Variants in ERBB2 observed in about 807,000 individuals in gnomAD.
The protein encoded by ERBB2 is receptor tyrosine-protein kinase erbB-2.
ERBB2 carries 61 observed loss-of-function variants against 149.0 expected under a neutral mutation model. The observed-to-expected ratio is 0.41, with a 90% CI of 0.33 to 0.51. ERBB2 has a LOEUF of 0.51. Ranked by LOEUF, ERBB2 falls within the 20% of genes least tolerant of loss-of-function variation. ERBB2 has a pLI of 0.25. For missense variants in ERBB2, 1,205 were observed against 1,655.1 expected, an observed-to-expected ratio of 0.73 and a Z score of 4.72; for synonymous variants, 633 against 678.8, an observed-to-expected ratio of 0.93 and a Z score of 1.05.
chr17:39,702,137 A>G (rs1171409218), intron 1 of ERBB2, among the ~76,000 whole-genome samples: 1 of 152,216 alleles, frequency 6.6e-6, no homozygotes, highest in Non-Finnish European at 1.5e-5. Flanking sequence ...AACTCTGTAC[A>G]AAAAATACAA....
At position 39,725,884 on chromosome 17, in the gene ERBB2, A is replaced by AGGAG. The variant is rs1157481588; in HGVS notation, c.2872+34_2872+37dup. 1 of 1,610,934 alleles carries AGGAG rather than the reference A, an allele frequency of 6.2e-7. No homozygotes were observed. Among genetic ancestry groups the AGGAG allele is most frequent in the East Asian group, 2.2e-5 (1 of 44,682 alleles). ...TGGCTGAGCTGTGCTGGCTGCCTGGAGGAGGGTGGGAGGTCCTGGGTGGAG... is the reference window on the plus strand; with the variant it reads ...TGGCTGAGCTGTGCTGGCTGCCTGGAGGAGGGAGGGTGGGAGGTCCTGGGTGGAG... On this transcript the variant is annotated intron_variant, in intron 23 of 26. Transcript: ENST00000269571. The surrounding 1 kb of genome is among the most constrained non-coding windows in gnomAD (Gnocchi z 4.6).
At chr17:39,692,282 G>A (rs75498541), upstream of ERBB2, among the ~76,000 whole-genome samples, 473 of 152,146 alleles carry the variant, frequency 3.1e-3, 4 homozygotes, top group African/African-American at 0.011. Flanking sequence ...CGTGTTATGC[G>A]CGTAGTATTA....
intron 7 of ERBB2, among the ~76,000 whole-genome samples, chr17:39,711,138 G>T (rs1209204664): frequency 6.6e-6 from 1 of 151,094 alleles, no homozygotes; most frequent in Non-Finnish European, 1.5e-5. Context: ...GACTTCAGGC[G>T]ATCCACCTGC....
Position 39,704,277 on chromosome 17 carries a change from C to T in ERBB2, c.74-2713C>T, listed in dbSNP as rs2058285151. On this transcript the variant is annotated intron_variant, in intron 1 of 26. Coordinates refer to ENST00000269571, the MANE Select transcript of ERBB2 (RefSeq NM_004448.4). Reference sequence around the variant, plus strand: ...TCCTGGGTAGAATTAGGACCTACCCCCCAGGAAATCAACGGGGACCAGGTG... The same window carrying T: ...TCCTGGGTAGAATTAGGACCTACCCTCCAGGAAATCAACGGGGACCAGGTG... 2.0e-5 allele frequency among the ~76,000 whole-genome samples: 3 copies of T among 152,222 alleles called. No homozygotes were observed. In the South Asian group the frequency reaches 6.2e-4, roughly 32 times the overall value.
At chr17:39,699,361 T>C (rs1276956910), upstream of ERBB2, among the ~76,000 whole-genome samples, 1 of 151,920 alleles carries the variant, frequency 6.6e-6, no homozygotes, top group African/African-American at 2.4e-5. Flanking sequence ...CTCGGGAGGC[T>C]GAGGCAGGAG....
chr17:39,708,131 C>T, intron 2 of ERBB2, 190 bp from the exon 3 acceptor site: 2 of 534,570 alleles, frequency 3.7e-6, no homozygotes, highest in Admixed American at 6.6e-5. Flanking sequence ...CTTTCTTGAT[C>T]ATATAAGAAT....
In ERBB2 at chr17:39,710,401, A is replaced by G; in HGVS notation, c.821A>G (p.Tyr274Cys). The change falls in exon 7 of 27, where the codon TAC (tyrosine) becomes TGC (cysteine). Residue 274 changes from tyrosine to cysteine, a missense_variant. By Grantham distance (194) the Tyr-to-Cys change is radical. This residue lies in a region of ERBB2 where 569 missense variants were observed against 803.5 expected (regional missense o/e 0.71). Transcript: ENST00000269571. ...CTGCACTGCCCAGCCCTGGTCACCT[A>G]CAACACAGACACGTTTGAGTCCATG... ...CELHCPALVT[Y>C]NTDTFESMPN... is the part of the protein sequence containing the mutation. 6.2e-7 allele frequency: 1 copy of G among 1,614,178 alleles called. No homozygotes were observed. The highest frequency in any genetic ancestry group is 8.5e-7 in the Non-Finnish European group (1 of 1,180,042).
At position 39,723,839 on chromosome 17, in the gene ERBB2, G is replaced by T; in HGVS notation, c.2209-73G>T. ...GTGGTGAAGGATGTTTGGAGGACAA[G>T]TAATGATCTCCTGGAAGGCAGGTAG... On this transcript the variant is annotated intron_variant, in intron 18 of 26. Coordinates refer to ENST00000269571, the MANE Select transcript of ERBB2 (RefSeq NM_004448.4). The surrounding 1 kb of genome is among the most constrained non-coding windows in gnomAD (Gnocchi z 6.2). 1 of 1,504,688 alleles carries T rather than the reference G, an allele frequency of 6.6e-7. No individual in the cohort carries two copies. The highest frequency in any genetic ancestry group is 9.2e-7 in the Non-Finnish European group (1 of 1,085,442). 93.2% of individuals were successfully genotyped at this position (1,504,688 alleles called of 1,614,324 possible).
Position 39,724,834 on chromosome 17 carries a change from C to T in ERBB2, c.2416C>T (p.Leu806Phe), listed in dbSNP as rs2145851345. ...LVTQLMPYGC[L>F]LDHVRENRGR... ...GACACAGCTTATGCCCTATGGCTGC[C>T]TCTTAGACCATGTCCGGGAAAACCG... is the stretch of plus-strand genomic sequence containing the variant. Residue 806 changes from leucine to phenylalanine, a missense_variant, in exon 20 of 27, where the codon CTC becomes TTC. Around this residue, in one of 6 missense-constraint regions of ERBB2, gnomAD observed 152 missense variants for 318.1 expected, o/e 0.48. Transcript: ENST00000269571. The T allele has an allele frequency of 6.2e-7, 1 of 1,614,248 alleles. No individual in the cohort carries two copies.
Position 39,727,232 on chromosome 17 carries a change from C to T in ERBB2, c.3160-63C>T, listed in dbSNP as rs2059821435. The T allele has an allele frequency of 6.3e-7, 1 of 1,580,560 alleles. No homozygotes were observed. Among genetic ancestry groups the T allele is most frequent in the African/African-American group, 1.4e-5 (1 of 73,154 alleles). The stretch of plus-strand genomic sequence containing the variant: ...TTTTCTCCTGTGACCCTGTCACCTT[C>T]CATGGAGTCCCCATCCCAGATCCGT... On this transcript the variant is annotated intron_variant, in intron 25 of 26. Coordinates refer to ENST00000269571, the MANE Select transcript of ERBB2 (RefSeq NM_004448.4). The surrounding 1 kb of genome is among the most constrained non-coding windows in gnomAD (Gnocchi z 4.3).
At position 39,725,938 on chromosome 17, in the gene ERBB2, A is replaced by G. The variant is rs1309012949; in HGVS notation, c.2872+85A>G. On this transcript the variant is annotated intron_variant, in intron 23 of 26. Coordinates refer to ENST00000269571, the MANE Select transcript of ERBB2 (RefSeq NM_004448.4). The surrounding 1 kb of genome is among the most constrained non-coding windows in gnomAD (Gnocchi z 4.6). ...CCCACAAGGGGCATGAAAGGGGACC[A>G]GGATGTATGTAGACCCAGGAGCCCT... 2.8e-6 allele frequency: 4 copies of G among 1,440,018 alleles called. No individual in the cohort carries two copies. The highest frequency in any genetic ancestry group is 3.9e-6 in the Non-Finnish European group (4 of 1,038,098). The allele number at this position is 1,440,018 out of a possible 1,614,324, so 89.2% of individuals were successfully genotyped here.
chr17:39,712,928 CT>C (rs2058894073), intron 9 of ERBB2, among the ~76,000 whole-genome samples: 1 of 152,130 alleles, frequency 6.6e-6, no homozygotes, highest in African/African-American at 2.4e-5. Context: ...ATGTGAGGCT[CT>C]GAACCGAAAA....
intron 3 of ERBB2, 84 bp downstream of exon 3, chr17:39,708,618 C>T (rs1432827406): frequency 1.1e-5 from 12 of 1,087,930 alleles, no homozygotes; most frequent in Non-Finnish European, 1.7e-5. Context: ...GCTTTGTGTG[C>T]ATTAGAAATG....
upstream of ERBB2, among the ~76,000 whole-genome samples, chr17:39,692,422 T>TG (rs375364772): frequency 1.2e-3 from 175 of 145,194 alleles, 3 homozygotes; most frequent in African/African-American, 2.1e-3. Flanking sequence ...TTTTTTTTTT[T>TG]AAACGGAGTT....
At chr17:39,709,533 C>G (rs2145481725) in intron 4 of ERBB2, 81 bp downstream of exon 4, 8 of 1,484,322 alleles carry the variant, frequency 5.4e-6, no homozygotes, top group Non-Finnish European at 7.4e-6. Flanking sequence ...AACCCAGTGC[C>G]TGCCCGCCAC....
upstream of ERBB2, among the ~76,000 whole-genome samples, chr17:39,698,552 A>C (rs2057928155): frequency 2.0e-5 from 3 of 152,034 alleles, no homozygotes; most frequent in Non-Finnish European, 4.4e-5. Flanking sequence ...AGCCACCGCG[A>C]CTGGCCAGAT....
Position 39,716,593 on chromosome 17 carries a change from C to A in ERBB2, c.1725C>A (p.Thr575=), listed in dbSNP as rs780703792. Residue 575 remains threonine, a synonymous_variant, in exon 14 of 27, where the codon ACC becomes ACA. Transcript: ENST00000269571. ...GTCAGCCCCAGAATGGCTCAGTGAC[C>A]TGTTTTGGACCGGTGAGCTGCTGGC... ...PECQPQNGSV[T]CFGPEADQCV... is the part of the protein sequence containing the mutation. 1 of 1,614,014 alleles carries A rather than the reference C, an allele frequency of 6.2e-7. No homozygotes were observed. Among genetic ancestry groups the A allele is most frequent in the East Asian group, 2.2e-5 (1 of 44,884 alleles).
At chr17:39,715,256 C>T (rs774803351) in intron 9 of ERBB2, 30 bp from the exon 10 acceptor site, 2 of 1,599,958 alleles carry the variant, frequency 1.3e-6, no homozygotes, top group African/African-American at 1.3e-5. Context: ...CTGTTCCTGG[C>T]CCTGCTGACT....
upstream of ERBB2, among the ~76,000 whole-genome samples, chr17:39,690,206 C>T (rs1465868830): frequency 2.0e-5 from 3 of 152,118 alleles, no homozygotes; most frequent in African/African-American, 4.8e-5. Context: ...CCATCTCAGC[C>T]TCCTGAGTAG....
Sources: allele counts gnomAD v4.1 joint callset (sites outside exome capture counted in the v4.1 genomes callset), GRCh38; gene constraint gnomAD v4.1.1; regional missense constraint gnomAD v4.1.1; non-coding constraint Gnocchi (gnomAD v3.1); transcripts MANE v1.5; gene names NCBI Gene and HGNC (gene_info 2026-07-23, HGNC 2026-07-21).